The following ROBO2 variants were observed in gnomAD, a reference collection of about 807,000 sequenced individuals.
ROBO2 encodes roundabout homolog 2.
In ROBO2, 53 loss-of-function variants were observed where a neutral mutation model predicts 160.8. That is an observed-to-expected ratio of 0.33 (90% confidence interval 0.26 to 0.41). The LOEUF (loss-of-function observed/expected upper bound fraction) is 0.41, where lower values mean the gene tolerates loss of function less well. Ranked by LOEUF, ROBO2 falls within the 10% of genes least tolerant of loss-of-function variation. ROBO2 has a pLI of 1.00. For synonymous variants in ROBO2, 664 were observed against 611.7 expected, an observed-to-expected ratio of 1.09 and a Z score of -1.26; for missense variants, 1,577 against 1,722.4, an observed-to-expected ratio of 0.92 and a Z score of 1.49.
chr3:76,286,608 G>C (rs1708517878), intron 2 of ROBO2, among the ~76,000 whole-genome samples: 1 of 152,170 alleles, frequency 6.6e-6, no homozygotes, highest in South Asian at 2.1e-4. Context: ...GGAAGATTTT[G>C]AGATCAGCAC....
At chr3:76,481,607 T>G (rs2079210900) in intron 2 of ROBO2, among the ~76,000 whole-genome samples, 1 of 152,294 alleles carries the variant, frequency 6.6e-6, no homozygotes, top group Admixed American at 6.5e-5. Context: ...AAAGTTTGCA[T>G]CAGCATCATC....
At chr3:76,732,447 A>T (rs968914737) in intron 2 of ROBO2, among the ~76,000 whole-genome samples, 11 of 152,164 alleles carry the variant, frequency 7.2e-5, no homozygotes, top group African/African-American at 2.7e-4. Context: ...ACTGTTGCTG[A>T]TGGGAGGTGG....
chr3:77,152,968 C>G (rs2077670630), intron 2 of ROBO2, among the ~76,000 whole-genome samples: 2 of 152,160 alleles, frequency 1.3e-5, no homozygotes, highest in African/African-American at 4.8e-5. Context: ...CTGATCTACT[C>G]TATCTATGGA....
intron 2 of ROBO2, among the ~76,000 whole-genome samples, chr3:76,979,378 T>C (rs1047959633): frequency 3.3e-5 from 5 of 152,068 alleles, no homozygotes; most frequent in Non-Finnish European, 7.4e-5. Context: ...ACCCTCCCAC[T>C]CTTCCAGGTC....
At chr3:77,339,729 G>A (rs561192738) in intron 2 of ROBO2, among the ~76,000 whole-genome samples, 8 of 151,986 alleles carry the variant, frequency 5.3e-5, no homozygotes, top group Admixed American at 4.6e-4. Flanking sequence ...ACCTTCTCAT[G>A]AATTAGTGGC....
At chr3:77,054,611 A>G (rs904388199) in intron 1 of ROBO2, among the ~76,000 whole-genome samples, 1 of 152,104 alleles carries the variant, frequency 6.6e-6, no homozygotes, top group Non-Finnish European at 1.5e-5. Context: ...CTTGCTGCAC[A>G]ATTATATGTT....
chr3:75,929,586 T>G (rs1219981807), intron 1 of ROBO2, among the ~76,000 whole-genome samples: 1 of 152,052 alleles, frequency 6.6e-6, no homozygotes, highest in Non-Finnish European at 1.5e-5. Context: ...GACTGTTAAT[T>G]TCTCCCCTTC....
chr3:77,198,533 C>T (rs971033789), intron 2 of ROBO2, among the ~76,000 whole-genome samples: 2 of 152,200 alleles, frequency 1.3e-5, no homozygotes, highest in African/African-American at 2.4e-5. Flanking sequence ...TAGTGGGACA[C>T]TTGAGGACCA....
intron 2 of ROBO2, among the ~76,000 whole-genome samples, chr3:76,195,676 C>T (rs1418846407): frequency 6.6e-6 from 1 of 152,112 alleles, no homozygotes; most frequent in Non-Finnish European, 1.5e-5. Flanking sequence ...GTGGAGACAT[C>T]AAGTTAAACA....
intron 2 of ROBO2, among the ~76,000 whole-genome samples, chr3:75,977,950 C>CA: frequency 6.6e-6 from 1 of 151,456 alleles, no homozygotes; most frequent in South Asian, 2.1e-4. Context: ...ATCCTAAAAC[C>CA]AACTCAATGG....
chr3:77,527,584 C>T (rs2091287424), intron 6 of ROBO2, among the ~76,000 whole-genome samples, 170 bp downstream of exon 7: 1 of 151,436 alleles, frequency 6.6e-6, no homozygotes, highest in South Asian at 2.1e-4. Flanking sequence ...CTTTGATAAA[C>T]AATTTTGTAG....
chr3:76,694,345 G>A (rs2107299366), intron 2 of ROBO2, among the ~76,000 whole-genome samples: 1 of 152,228 alleles, frequency 6.6e-6, no homozygotes, highest in Middle Eastern at 3.4e-3. Flanking sequence ...GCCTTCTGTT[G>A]TACTCTATCA....
chr3:75,932,361 C>T (rs540466932), intron 1 of ROBO2, among the ~76,000 whole-genome samples: 1 of 152,264 alleles, frequency 6.6e-6, no homozygotes, highest in Admixed American at 6.5e-5. Context: ...AGCCTTATTT[C>T]ATTCAGATCA....
At chr3:76,096,702 T>A (rs2069466818) in intron 2 of ROBO2, among the ~76,000 whole-genome samples, 1 of 152,238 alleles carries the variant, frequency 6.6e-6, no homozygotes, top group Admixed American at 6.5e-5. Context: ...CAGTATTGTC[T>A]CATTTAATCC....
chr3:77,237,978 C>G (rs1354094923), intron 2 of ROBO2, among the ~76,000 whole-genome samples: 2 of 152,148 alleles, frequency 1.3e-5, no homozygotes, highest in South Asian at 2.1e-4. Context: ...TTGCATTTAC[C>G]TGACGACATA....
chr3:77,428,283 A>G (rs1257917304), intron 2 of ROBO2, among the ~76,000 whole-genome samples: 1 of 151,958 alleles, frequency 6.6e-6, no homozygotes, highest in African/African-American at 2.4e-5. Context: ...TTTGGCCTGT[A>G]ATACATAAAA....
chr3:77,348,257 G>C (rs1412460791), intron 2 of ROBO2, among the ~76,000 whole-genome samples: 1 of 152,088 alleles, frequency 6.6e-6, no homozygotes, highest in African/African-American at 2.4e-5. Context: ...TCAGCTGGTT[G>C]CCCATTTTTA....
intron 2 of ROBO2, among the ~76,000 whole-genome samples, chr3:77,126,694 G>A (rs561698063): frequency 6.8e-6 from 1 of 146,836 alleles, no homozygotes; most frequent in Admixed American, 6.6e-5. Context: ...AGGAATATGG[G>A]TGGATATATA....
At chr3:76,245,604 A>G (rs1015418799) in intron 2 of ROBO2, among the ~76,000 whole-genome samples, 7 of 152,084 alleles carry the variant, frequency 4.6e-5, no homozygotes, top group East Asian at 1.9e-4. Context: ...ATAATCATCA[A>G]TCTTTAATCT....
Sources: allele counts gnomAD v4.1 joint callset (sites outside exome capture counted in the v4.1 genomes callset), GRCh38; gene constraint gnomAD v4.1.1; transcripts MANE v1.5; gene names NCBI Gene and HGNC (gene_info 2026-07-23, HGNC 2026-07-21).